The following FUZ variants were observed in gnomAD, a reference collection of about 807,000 sequenced individuals.
The protein encoded by FUZ is protein fuzzy homolog.
A neutral mutation model predicts 43.1 loss-of-function variants in FUZ; 31 were observed. The ratio of observed to expected loss-of-function variants is 0.72; its 90% CI spans 0.54 to 0.97. The LOEUF (loss-of-function observed/expected upper bound fraction) is 0.97. Ranked by LOEUF, FUZ falls within the 50% of genes least tolerant of loss-of-function variation. The pLI is 0.00. For synonymous variants in FUZ, 274 were observed against 250.0 expected, an observed-to-expected ratio of 1.10 and a Z score of -0.91; for missense variants, 539 against 543.8, an observed-to-expected ratio of 0.99 and a Z score of 0.09.
chr19:49,811,227 T>G, intron 5 of FUZ, 136 bp downstream of exon 5: 1 of 715,680 alleles, frequency 1.4e-6, no homozygotes, highest in Non-Finnish European at 2.6e-6. Flanking sequence ...AAAAGATTCT[T>G]CTGGGACCAG....
intron 5 of FUZ, among the ~76,000 whole-genome samples, chr19:49,810,812 T>A (rs1006018538): frequency 6.6e-6 from 1 of 152,036 alleles, no homozygotes; most frequent in African/African-American, 2.4e-5. Flanking sequence ...ACTGAGCCAC[T>A]GTGCTCTAGC....
chr19:49,810,956 C>T (rs1343523441), intron 5 of FUZ: 1 of 345,902 alleles, frequency 2.9e-6, no homozygotes. Flanking sequence ...TCGAGACCAG[C>T]TTGGCCAACA....
intron 10 of FUZ, chr19:49,808,034 T>C (rs79229602): frequency 0.018 from 6,760 of 367,264 alleles, 189 homozygotes; most frequent in South Asian, 0.069. Context: ...TGTGTTCAAA[T>C]ATGGCTCTGC....
In FUZ at chr19:49,808,486, G is replaced by C; in HGVS notation, c.961C>G (p.Pro321Ala). The change falls in exon 10 of 11, where the codon CCT becomes GCT. Residue 321 changes from proline (P) to alanine (A), a missense_variant and splice_region_variant. Coordinates refer to ENST00000313777, the MANE Select transcript of FUZ (RefSeq NM_025129.5). The stretch of plus-strand genomic sequence containing the variant: ...AGGCGCCGGCGCTGTTCTGGTGAAG[G>C]CTCTGCTGGGAGGAAAAGGCGGTGA... ...FTVEPLGDKEPSPEQRRRLLR... is the reference protein window; with the variant it reads ...FTVEPLGDKEASPEQRRRLLR... 1.9e-6 allele frequency: 3 copies of C among 1,611,354 alleles called. No homozygotes were observed. The highest frequency in any genetic ancestry group is 1.7e-6 in the Non-Finnish European group (2 of 1,179,144).
intron 5 of FUZ, among the ~76,000 whole-genome samples, chr19:49,810,678 CAAAA>C (rs34752826): frequency 2.2e-5 from 2 of 90,538 alleles, no homozygotes; most frequent in Non-Finnish European, 2.2e-5. Context: ...GACTCTGTCT[CAAAA>C]AAAAAAAAAA....
chr19:49,812,394 T>G (rs1451040410), intron 2 of FUZ, 59 bp from the exon 3 acceptor site: 2 of 1,468,556 alleles, frequency 1.4e-6, no homozygotes, highest in African/African-American at 1.4e-5. Context: ...AGGGGTATGT[T>G]GGAGTCCGCC....
chr19:49,807,647 A>C (rs557368653), intron 10 of FUZ, among the ~76,000 whole-genome samples: 3 of 152,234 alleles, frequency 2.0e-5, no homozygotes, highest in South Asian at 4.1e-4. Context: ...TTAGCAATAC[A>C]CATGGCGAAC....
chr19:49,812,524 T>C, intron 2 of FUZ, 91 bp downstream of exon 2: 1 of 1,568,326 alleles, frequency 6.4e-7, no homozygotes, highest in Non-Finnish European at 8.8e-7. Context: ...AATTAACAGC[T>C]GCTTTTAGAG....
At position 49,811,395 on chromosome 19, in the gene FUZ, A is replaced by G. The variant is rs1447918069; in HGVS notation, c.460T>C (p.Cys154Arg). The G allele has an allele frequency of 1.2e-6, 2 of 1,612,990 alleles. No individual in the cohort carries two copies. Among genetic ancestry groups the G allele is most frequent in the East Asian group, 2.2e-5 (1 of 44,846 alleles). The change falls in exon 5 of 11, where the codon TGC becomes CGC. Residue 154 changes from cysteine to arginine, a missense_variant. Coordinates refer to ENST00000313777, the MANE Select transcript of FUZ (RefSeq NM_025129.5). ...AGGGACCCCTCTGGAGGAATCACGC[A>G]GTCCACACACTGGGTCAGGTCCCCG... ...LIGDLTQCVD[C>R]VIPPEGSLLQ...
rs2073787791 is a variant in FUZ, at chr19:49,811,476, G to A, written c.388-9C>T. 1 of 1,612,584 alleles carries A rather than the reference G, an allele frequency of 6.2e-7. No individual in the cohort carries two copies. The highest frequency in any genetic ancestry group is 1.1e-5 in the South Asian group (1 of 91,052). On this transcript the variant is annotated splice_polypyrimidine_tract_variant and intron_variant, in intron 4 of 10. Coordinates refer to ENST00000313777, the MANE Select transcript of FUZ (RefSeq NM_025129.5). ...ATGAGGCAATAACTGGCCTAGGAGA[G>A]GAAGAAGGGACCAGCCTAGGATTCA...
In FUZ at chr19:49,807,246, G is replaced by A. The variant is rs776136654; in HGVS notation, c.1162C>T (p.Arg388Trp). ...GGAGACAGCAGCAGCAGCAGCCGCC[G>A]AAGCCCCAGCTGCAAGGCCACCAGA... is the stretch of plus-strand genomic sequence containing the variant. ...VRLVALQLGL[R>W]RLLLLLSPQS... Residue 388 changes from arginine to tryptophan, a missense_variant, in exon 11 of 11, where the codon CGG becomes TGG. Transcript: ENST00000313777. 33 of 1,613,042 alleles carry A rather than the reference G, an allele frequency of 2.0e-5. No homozygotes were observed. The highest frequency in any genetic ancestry group is 1.9e-4 in the African/African-American group (14 of 74,824).
At chr19:49,810,841 C>G (rs1316550291) in intron 5 of FUZ, among the ~76,000 whole-genome samples, 5 of 151,338 alleles carry the variant, frequency 3.3e-5, no homozygotes, top group African/African-American at 9.7e-5. Flanking sequence ...CAGAGCAAGA[C>G]CCTGTCTCAG....
intron 5 of FUZ, among the ~76,000 whole-genome samples, chr19:49,810,280 G>A (rs1398284336): frequency 6.6e-6 from 1 of 152,084 alleles, no homozygotes; most frequent in East Asian, 1.9e-4. Flanking sequence ...ACTATGGGAG[G>A]CTGAGGCGGG....
intron 1 of FUZ, 67 bp downstream of exon 1, chr19:49,812,929 G>A: frequency 7.0e-7 from 1 of 1,425,042 alleles, no homozygotes; most frequent in Non-Finnish European, 9.7e-7. Flanking sequence ...AGCCCCTACT[G>A]CCTTGAAGAC....
In FUZ at chr19:49,809,039, CTG is replaced by C. The variant is rs1191467578; in HGVS notation, c.786+122_786+123del. 3 of 1,037,300 alleles carry C rather than the reference CTG, an allele frequency of 2.9e-6. No individual in the cohort carries two copies. Among genetic ancestry groups the C allele is most frequent in the Non-Finnish European group, 4.4e-6 (3 of 683,936 alleles). The allele number at this position is 1,037,300 out of a possible 1,614,324, so 64.3% of individuals were successfully genotyped here. ...CCGATCTTGGCGGGTAGGTGAATGACTGGAGCGCAGTCCAGAAGAGGCGGGGC... is the reference window on the plus strand; with the variant it reads ...CCGATCTTGGCGGGTAGGTGAATGACGAGCGCAGTCCAGAAGAGGCGGGGC... On this transcript the variant is annotated intron_variant, in intron 7 of 10. Coordinates refer to ENST00000313777, the MANE Select transcript of FUZ (RefSeq NM_025129.5). The surrounding 1 kb of genome is among the most constrained non-coding windows in gnomAD (Gnocchi z 5.1).
chr19:49,809,044 G>T lies in FUZ; in HGVS notation c.786+119C>A. 1.9e-6 allele frequency: 2 copies of T among 1,047,598 alleles called. No homozygotes were observed. The highest frequency in any genetic ancestry group is 2.9e-6 in the Non-Finnish European group (2 of 692,266). The allele number at this position is 1,047,598 out of a possible 1,614,324, so 64.9% of individuals were successfully genotyped here. On this transcript the variant is annotated intron_variant, in intron 7 of 10. Coordinates refer to ENST00000313777, the MANE Select transcript of FUZ (RefSeq NM_025129.5). This position sits in a 1 kb window ranked among gnomAD's most constrained non-coding sequence, Gnocchi z 5.1. ...CTTGGCGGGTAGGTGAATGACTGGAGCGCAGTCCAGAAGAGGCGGGGCTGG... is the reference window on the plus strand; with the variant it reads ...CTTGGCGGGTAGGTGAATGACTGGATCGCAGTCCAGAAGAGGCGGGGCTGG...
At position 49,808,735 on chromosome 19, in the gene FUZ, AG is replaced by A; in HGVS notation, c.874del (p.Leu292PhefsTer15). On this transcript the variant is annotated frameshift_variant, in exon 8 of 11. Transcript: ENST00000313777. LOFTEE classifies it high-confidence loss of function. ...GCCCTACCCGAGGATGTCTGTGTGA[AG>A]GGGGAAGCCACTGGGCAGCGCCCGG... ...GPRALPSGFP[L>X]HTDILGLLLL... 1 of 1,587,826 alleles carries A rather than the reference AG, an allele frequency of 6.3e-7. No homozygotes were observed. Among genetic ancestry groups the A allele is most frequent in the South Asian group, 1.1e-5 (1 of 87,816 alleles).
In FUZ at chr19:49,811,612, T is replaced by G. The variant is rs748184407; in HGVS notation, c.387+19A>C. Reference sequence around the variant, plus strand: ...GCCCAGGTATCCTAACTTCCCACCCTCATGTCCTGCAACCTCACCCTCAAG... The same window carrying G: ...GCCCAGGTATCCTAACTTCCCACCCGCATGTCCTGCAACCTCACCCTCAAG... On this transcript the variant is annotated intron_variant, in intron 4 of 10. Coordinates refer to ENST00000313777, the MANE Select transcript of FUZ (RefSeq NM_025129.5). 1 of 1,613,270 alleles carries G rather than the reference T, an allele frequency of 6.2e-7. No homozygotes were observed. Among genetic ancestry groups the G allele is most frequent in the Non-Finnish European group, 8.5e-7 (1 of 1,179,186 alleles).
intron 5 of FUZ, chr19:49,811,012 G>A (rs555641662): frequency 3.5e-5 from 13 of 374,006 alleles, no homozygotes; most frequent in Admixed American, 7.7e-5. Context: ...TTAGCCGGGC[G>A]TAGTGGTGGG....
Sources: allele counts gnomAD v4.1 joint callset (sites outside exome capture counted in the v4.1 genomes callset), GRCh38; gene constraint gnomAD v4.1.1; non-coding constraint Gnocchi (gnomAD v3.1); transcripts MANE v1.5; gene names NCBI Gene and HGNC (gene_info 2026-07-23, HGNC 2026-07-21).